The following NPHP4 variants were observed in gnomAD, a reference collection of about 807,000 sequenced individuals.
NPHP4 encodes nephrocystin-4.
A neutral mutation model predicts 155.8 loss-of-function variants in NPHP4; 151 were observed. That is an observed-to-expected ratio of 0.97 (90% CI 0.85 to 1.11). The LOEUF (loss-of-function observed/expected upper bound fraction) is 1.11, where lower values mean the gene tolerates loss of function less well. NPHP4 is among the 50% of genes least tolerant of loss of function. The probability of loss-of-function intolerance (pLI) is 0.00; values close to 1 mark genes in which losing one functional copy is unlikely to be tolerated. For synonymous variants in NPHP4, 845 were observed against 816.8 expected, an observed-to-expected ratio of 1.03 and a Z score of -0.59; for missense variants, 1,956 against 1,925.7, an observed-to-expected ratio of 1.02 and a Z score of -0.29.
rs113278972 is a variant in NPHP4, at chr1:5,870,982, C to T, written c.3315+2270G>A. On this transcript the variant is annotated intron_variant, in intron 23 of 29. Transcript: ENST00000378156. ...GGGGCCTGTGATGACAGAAGAGGAG[C>T]GTCAGTTCCCTAATTTTCATGGCTC... Among the ~76,000 whole-genome samples the T allele has an allele frequency of 3.2e-3, 487 of 152,342 alleles. 3 individuals are homozygous for T. Among genetic ancestry groups the T allele is most frequent in the African/African-American group, 0.011 (458 of 41,574 alleles).
In NPHP4 at chr1:5,909,160, C is replaced by A; in HGVS notation, c.1495G>T (p.Gly499Ter). 1 of 1,599,748 alleles carries A rather than the reference C, an allele frequency of 6.3e-7. No homozygotes were observed. Among genetic ancestry groups the A allele is most frequent in the East Asian group, 2.3e-5 (1 of 44,374 alleles). ...GGGGGGCCTGGACTTACCCCTGGTC[C>A]CACAGGTGAGTTCTGCGGGGCAGCG... ...VLAAPQNSPV[G>*]PGLSISQLAA... Residue 499 changes from glycine (G) to a stop codon, truncating the protein, a stop_gained, in exon 12 of 30, where the codon GGA (glycine) becomes TGA (stop). Coordinates refer to ENST00000378156, the MANE Select transcript of NPHP4 (RefSeq NM_015102.5). LOFTEE classifies it high-confidence loss of function.
chr1:5,868,695 C>T (rs1460717028), intron 23 of NPHP4, among the ~76,000 whole-genome samples: 1 of 144,726 alleles, frequency 6.9e-6, no homozygotes, highest in Non-Finnish European at 1.5e-5. Flanking sequence ...TACACATATA[C>T]ATGCACGCAT....
intron 20 of NPHP4, 22 bp from the exon 21 acceptor site, chr1:5,875,122 T>C (rs1225833579): frequency 1.3e-6 from 2 of 1,561,358 alleles, no homozygotes; most frequent in East Asian, 4.6e-5. Flanking sequence ...AGGACATGGG[T>C]GGACAGGGTC....
At chr1:5,873,119 C>T in intron 23 of NPHP4, 133 bp downstream of exon 23, 1 of 768,292 alleles carries the variant, frequency 1.3e-6, no homozygotes, top group Non-Finnish European at 2.3e-6. Context: ...AAGGCCATTC[C>T]CAGGCCCACG....
At chr1:5,864,904 T>C in intron 27 of NPHP4, 198 bp downstream of exon 27, 1 of 587,416 alleles carries the variant, frequency 1.7e-6, no homozygotes, top group Non-Finnish European at 3.0e-6. Flanking sequence ...TTGGGGTTGG[T>C]GTGTACGTCA....
intron 19 of NPHP4, chr1:5,879,360 G>T (rs1167769799): frequency 2.8e-6 from 1 of 356,290 alleles, no homozygotes; most frequent in Non-Finnish European, 5.5e-6. Flanking sequence ...TAAGGGGATA[G>T]AAAAACTTCA....
Position 5,867,387 on chromosome 1 carries a change from C to A in NPHP4, c.3473-272G>T. On this transcript the variant is annotated intron_variant, in intron 24 of 29. Transcript: ENST00000378156. This position sits in a 1 kb window ranked among gnomAD's most constrained non-coding sequence, Gnocchi z 4.1. The stretch of plus-strand genomic sequence containing the variant: ...GGGCCACAAAAAAGAAAACACAGCT[C>A]CCTGGAGCAGGGAAGCCTGCACTCT... 1.8e-6 allele frequency: 1 copy of A among 544,224 alleles called. No individual in the cohort carries two copies. Among genetic ancestry groups the A allele is most frequent in the Non-Finnish European group, 3.3e-6 (1 of 306,610 alleles). 33.7% of individuals were successfully genotyped at this position (544,224 alleles called of 1,614,324 possible).
chr1:5,921,518 A>G (rs563301164), intron 11 of NPHP4, among the ~76,000 whole-genome samples: 1 of 152,224 alleles, frequency 6.6e-6, no homozygotes, highest in African/African-American at 2.4e-5. Context: ...TTCCTCCAAT[A>G]TGAGGGGAAT....
In NPHP4 at chr1:5,873,233, T is replaced by G. The variant is rs755047276; in HGVS notation, c.3315+19A>C. 1 of 1,601,850 alleles carries G rather than the reference T, an allele frequency of 6.2e-7. No individual in the cohort carries two copies. Among genetic ancestry groups the G allele is most frequent in the Non-Finnish European group, 8.6e-7 (1 of 1,168,950 alleles). On this transcript the variant is annotated intron_variant, in intron 23 of 29. Transcript: ENST00000378156. Reference sequence around the variant, plus strand: ...CCCAGGAAGCCCCGAGATCAGTTTGTCCTCCGTTGCCCCTTTACCTTGGCG... The same window carrying G: ...CCCAGGAAGCCCCGAGATCAGTTTGGCCTCCGTTGCCCCTTTACCTTGGCG...
At chr1:5,949,805 C>T (rs1251581846) in intron 7 of NPHP4, among the ~76,000 whole-genome samples, 3 of 152,046 alleles carry the variant, frequency 2.0e-5, no homozygotes, top group African/African-American at 7.2e-5. Flanking sequence ...TCCGGGACCA[C>T]AAAACAGGCC....
At chr1:5,976,404 A>G (rs562628407) in intron 3 of NPHP4, among the ~76,000 whole-genome samples, 266 of 152,290 alleles carry the variant, frequency 1.7e-3, no homozygotes, top group Middle Eastern at 3.4e-3. Flanking sequence ...TCACAACACC[A>G]GGTTTCGGGG....
intron 1 of NPHP4, among the ~76,000 whole-genome samples, chr1:5,990,442 CA>C (rs1443010864): frequency 6.6e-6 from 1 of 151,116 alleles, no homozygotes; most frequent in Non-Finnish European, 1.5e-5. Context: ...GTGGGCTCTC[CA>C]GGGGAAAAAA....
chr1:5,963,634 A>G (rs1270256995), intron 5 of NPHP4, among the ~76,000 whole-genome samples: 1 of 151,472 alleles, frequency 6.6e-6, no homozygotes, highest in African/African-American at 2.4e-5. Context: ...ATTCACGCAC[A>G]TGCTCAGGGG....
At chr1:5,873,082 G>A (rs1231458043) in intron 23 of NPHP4, among the ~76,000 whole-genome samples, 170 bp downstream of exon 23, 3 of 152,152 alleles carry the variant, frequency 2.0e-5, no homozygotes, top group Non-Finnish European at 4.4e-5. Flanking sequence ...CCCAGACGGA[G>A]CTGCCCTGCC....
intron 10 of NPHP4, among the ~76,000 whole-genome samples, chr1:5,931,141 C>T (rs4908583): frequency 0.61 from 92,550 of 151,990 alleles, 28,277 homozygotes; most frequent in East Asian, 0.75. Flanking sequence ...TTTTAATTTA[C>T]GTTATATTTA....
At chr1:5,948,938 A>G (rs768199646) in intron 7 of NPHP4, among the ~76,000 whole-genome samples, 9 of 152,224 alleles carry the variant, frequency 5.9e-5, no homozygotes, top group Non-Finnish European at 1.2e-4. Context: ...AAATTATGTG[A>G]TCTTTGCAAA....
intron 2 of NPHP4, among the ~76,000 whole-genome samples, chr1:5,982,964 T>C (rs900052169): frequency 3.9e-5 from 6 of 152,320 alleles, no homozygotes; most frequent in African/African-American, 1.2e-4. Context: ...CTGTTCCATA[T>C]GAACTTGGGA....
At chr1:5,947,061 G>C in intron 9 of NPHP4, 43 bp downstream of exon 9, 1 of 1,611,498 alleles carries the variant, frequency 6.2e-7, no homozygotes, top group Non-Finnish European at 8.5e-7. Flanking sequence ...CACACACAGA[G>C]TTCACCACCA....
chr1:5,941,216 T>C (rs1044551783), intron 9 of NPHP4, among the ~76,000 whole-genome samples: 1 of 139,096 alleles, frequency 7.2e-6, no homozygotes, highest in African/African-American at 2.8e-5. Flanking sequence ...GAGTAAGTGG[T>C]AGTGGGACCA....
Sources: gnomAD v4.1 joint callset for allele counts (sites outside exome capture counted in the v4.1 genomes callset) on GRCh38, gnomAD v4.1.1 for gene constraint, Gnocchi (gnomAD v3.1) non-coding constraint, MANE v1.5 for transcripts, NCBI Gene and HGNC (gene_info 2026-07-23, HGNC 2026-07-21) for gene names.